IFT56: variants seen among roughly 807,000 people sequenced by gnomAD.
The protein encoded by IFT56 is intraflagellar transport 56.
At chr7:139,134,705 C>G in the IFT56 span, 2 of 1,613,856 alleles carry the variant, frequency 1.2e-6, no homozygotes, top group Non-Finnish European at 1.7e-6. Context: ...AGCACACTGA[C>G]AAAAGAAAGA....
chr7:139,148,078 A>C, the IFT56 span: 4 of 766,240 alleles, frequency 5.2e-6, no homozygotes, highest in Non-Finnish European at 8.4e-6. Flanking sequence ...TACTGATCAT[A>C]TCTTGCCCTC....
the IFT56 span, among the ~76,000 whole-genome samples, chr7:139,177,023 T>C: frequency 6.6e-6 from 1 of 151,522 alleles, no homozygotes; most frequent in Non-Finnish European, 1.5e-5. Flanking sequence ...AATACAAAAA[T>C]TAACCAGGTG....
chr7:139,161,187 T>A, the IFT56 span: 3 of 533,412 alleles, frequency 5.6e-6, no homozygotes, highest in Non-Finnish European at 9.7e-6. Context: ...ACTAATCTGT[T>A]TCCTTAAGGA....
chr7:139,137,827 A>G, the IFT56 span: 1 of 1,600,154 alleles, frequency 6.2e-7, no homozygotes, highest in East Asian at 2.2e-5. Flanking sequence ...ATGTTTTTTA[A>G]ATACATTTTT....
At chr7:139,177,171 CAAA>C in the IFT56 span, among the ~76,000 whole-genome samples, 3 of 93,938 alleles carry the variant, frequency 3.2e-5, no homozygotes, top group African/African-American at 9.6e-5. Context: ...GACTCCGTCT[CAAA>C]AAAAAAAAAA....
At chr7:139,148,573 G>A in the IFT56 span, among the ~76,000 whole-genome samples, 3 of 152,136 alleles carry the variant, frequency 2.0e-5, no homozygotes, top group Non-Finnish European at 4.4e-5. Flanking sequence ...AATTATCTGT[G>A]TTATGTCCAT....
At chr7:139,134,112 A>G in the IFT56 span, among the ~76,000 whole-genome samples, 1 of 152,212 alleles carries the variant, frequency 6.6e-6, no homozygotes, top group African/African-American at 2.4e-5. Context: ...CTGAGATGAC[A>G]GAAGCAATGC....
chr7:139,163,822 A>G, the IFT56 span, among the ~76,000 whole-genome samples: 1 of 152,184 alleles, frequency 6.6e-6, no homozygotes, highest in Non-Finnish European at 1.5e-5. Flanking sequence ...TCTCGGCAAA[A>G]GAAGGGAATA....
the IFT56 span, chr7:139,168,473 G>A: frequency 9.0e-7 from 1 of 1,114,174 alleles, no homozygotes; most frequent in Non-Finnish European, 1.4e-6. Flanking sequence ...GACTATCAAA[G>A]TGCAAGCAGC....
the IFT56 span, chr7:139,134,856 G>T: frequency 1.9e-6 from 3 of 1,542,000 alleles, no homozygotes; most frequent in Non-Finnish European, 1.8e-6. Flanking sequence ...ATGCTTGGGT[G>T]AATGCTGTTT....
chr7:139,178,650 T>C, the IFT56 span: 1 of 1,486,998 alleles, frequency 6.7e-7, no homozygotes, highest in Non-Finnish European at 9.4e-7. Context: ...AAAACATCCT[T>C]ATCTTTTTCT....
chr7:139,175,005 G>T, the IFT56 span, among the ~76,000 whole-genome samples: 2 of 150,306 alleles, frequency 1.3e-5, no homozygotes, highest in African/African-American at 5.0e-5. Flanking sequence ...TGGACAACAA[G>T]ATTGGAACCC....
chr7:139,142,106 C>A, the IFT56 span: 1 of 772,434 alleles, frequency 1.3e-6, no homozygotes, highest in Non-Finnish European at 2.2e-6. Flanking sequence ...TGCAGGTGGA[C>A]ACCAGACTCA....
chr7:139,184,589 A>G, the IFT56 span, among the ~76,000 whole-genome samples: 1,272 of 152,280 alleles, frequency 8.4e-3, 32 homozygotes, highest in East Asian at 0.092. Flanking sequence ...AAGGGTAACA[A>G]GGGAAATCTT....
the IFT56 span, among the ~76,000 whole-genome samples, chr7:139,135,177 G>A: frequency 6.6e-6 from 1 of 151,464 alleles, no homozygotes; most frequent in African/African-American, 2.4e-5. Flanking sequence ...TACTCGGGAG[G>A]CTGAGGCTGG....
chr7:139,143,429 A>G, the IFT56 span, among the ~76,000 whole-genome samples: 1 of 145,496 alleles, frequency 6.9e-6, no homozygotes, highest in Non-Finnish European at 1.5e-5. Flanking sequence ...ACTGAAACAT[A>G]TATTATCATG....
the IFT56 span, chr7:139,160,978 T>G: frequency 3.1e-6 from 5 of 1,613,676 alleles, no homozygotes; most frequent in East Asian, 6.7e-5. Flanking sequence ...GGACAATGCT[T>G]CTTCATCCTT....
the IFT56 span, among the ~76,000 whole-genome samples, chr7:139,188,725 G>A: frequency 2.6e-5 from 4 of 152,166 alleles, no homozygotes; most frequent in African/African-American, 9.7e-5. Context: ...CTTAAAATAT[G>A]TTTTAATTTT....
chr7:139,144,875 G>T, the IFT56 span, among the ~76,000 whole-genome samples: 2 of 151,748 alleles, frequency 1.3e-5, no homozygotes, highest in Admixed American at 1.3e-4. Context: ...TATTTTTAAA[G>T]TCCATGTCTA....
Sources: gnomAD v4.1 joint callset for allele counts (sites outside exome capture counted in the v4.1 genomes callset) on GRCh38, gnomAD v4.1.1 for gene constraint, MANE v1.5 for transcripts, NCBI Gene and HGNC (gene_info 2026-07-23, HGNC 2026-07-21) for gene names.